GRIK2: variants seen among roughly 807,000 people sequenced by gnomAD.
GRIK2 encodes the protein glutamate ionotropic receptor kainate type subunit 2.
Under a neutral mutation model 100.3 loss-of-function variants are expected in GRIK2, and 32 were observed. The ratio of observed to expected loss-of-function variants is 0.32; its 90% CI spans 0.24 to 0.43. The LOEUF (loss-of-function observed/expected upper bound fraction) is 0.43, where lower values mean the gene tolerates loss of function less well. Ranked by LOEUF, GRIK2 falls within the 20% of genes least tolerant of loss-of-function variation. The probability of loss-of-function intolerance (pLI) is 1.00; values close to 1 mark genes in which losing one functional copy is unlikely to be tolerated. For missense variants in GRIK2, 843 were observed against 1,114.9 expected, an observed-to-expected ratio of 0.76 and a Z score of 3.47; for synonymous variants, 417 against 389.4, an observed-to-expected ratio of 1.07 and a Z score of -0.83.
chr6:101,542,426 C>T (rs547391547), intron 2 of GRIK2, among the ~76,000 whole-genome samples: 1 of 152,140 alleles, frequency 6.6e-6, no homozygotes, highest in African/African-American at 2.4e-5. Flanking sequence ...GTCACCTAAT[C>T]TCTAAAGATT....
At chr6:101,592,985 A>G (rs200305019) in intron 2 of GRIK2, among the ~76,000 whole-genome samples, 2 of 151,942 alleles carry the variant, frequency 1.3e-5, no homozygotes, top group Non-Finnish European at 2.9e-5. Flanking sequence ...GATTAATGAT[A>G]TAGGCAATTG....
At chr6:101,817,591 G>A (rs1234992797) in intron 9 of GRIK2, among the ~76,000 whole-genome samples, 1 of 152,140 alleles carries the variant, frequency 6.6e-6, no homozygotes, top group Non-Finnish European at 1.5e-5. Context: ...ACCATCTAAT[G>A]AATGCATTTT....
At chr6:101,559,481 A>G (rs568233206) in intron 2 of GRIK2, among the ~76,000 whole-genome samples, 1 of 152,066 alleles carries the variant, frequency 6.6e-6, no homozygotes, top group Non-Finnish European at 1.5e-5. Flanking sequence ...AATGCTCCTT[A>G]GGTTGACCAT....
At chr6:101,558,199 A>G (rs1776835836) in intron 2 of GRIK2, among the ~76,000 whole-genome samples, 1 of 152,210 alleles carries the variant, frequency 6.6e-6, no homozygotes, top group African/African-American at 2.4e-5. Flanking sequence ...AGGCTGTATC[A>G]TTACTGTCCA....
chr6:101,930,434 C>A (rs1351005065), intron 14 of GRIK2, among the ~76,000 whole-genome samples: 1 of 151,936 alleles, frequency 6.6e-6, no homozygotes, highest in Non-Finnish European at 1.5e-5. Context: ...GAAGTGAATG[C>A]GTGATGCATT....
chr6:101,732,255 T>A (rs1400777323), intron 7 of GRIK2, among the ~76,000 whole-genome samples: 3 of 152,064 alleles, frequency 2.0e-5, no homozygotes, highest in South Asian at 2.1e-4. Context: ...ACAATCAACT[T>A]CCTATTTGGA....
intron 7 of GRIK2, among the ~76,000 whole-genome samples, chr6:101,688,892 C>T (rs1771896059): frequency 6.6e-6 from 1 of 151,716 alleles, no homozygotes; most frequent in South Asian, 2.1e-4. Flanking sequence ...AAAATCCTTT[C>T]ATCATATAAC....
chr6:101,972,881 CTTTA>C (rs1300646152), intron 14 of GRIK2, among the ~76,000 whole-genome samples: 1 of 151,932 alleles, frequency 6.6e-6, no homozygotes, highest in African/African-American at 2.4e-5. Flanking sequence ...TTTATGGGTT[CTTTA>C]TTCTGTTCCA....
intron 2 of GRIK2, among the ~76,000 whole-genome samples, chr6:101,596,489 T>G (rs1433975196): frequency 1.3e-5 from 2 of 151,648 alleles, no homozygotes; most frequent in African/African-American, 4.8e-5. Context: ...TTCTACATTT[T>G]AATAGATGAT....
chr6:101,661,037 G>A (rs1336266205), intron 4 of GRIK2, among the ~76,000 whole-genome samples: 2 of 152,172 alleles, frequency 1.3e-5, no homozygotes, highest in Non-Finnish European at 2.9e-5. Context: ...TTCAGAGCCA[G>A]CAGGCAGGAA....
At chr6:101,907,245 T>C (rs1378733058) in intron 12 of GRIK2, among the ~76,000 whole-genome samples, 1 of 149,766 alleles carries the variant, frequency 6.7e-6, no homozygotes, top group Non-Finnish European at 1.5e-5. Context: ...CAAATTAGGT[T>C]AGTGGAATAA....
chr6:101,810,177 T>C lies in GRIK2; in HGVS notation c.1203+7739T>C, dbSNP rs542204877. Among the ~76,000 whole-genome samples the C allele has an allele frequency of 8.5e-5, 13 of 152,052 alleles. No homozygotes were observed. In the South Asian group the frequency reaches 2.3e-3, roughly 27 times the overall value. On this transcript the variant is annotated intron_variant, in intron 9 of 16. Transcript: ENST00000369134. ...CAAATCTGACCTACATTTTTATCTG[T>C]GGAAAAATGGCTTTTAACTGAATGG...
At chr6:101,773,132 C>A (rs1056045402) in intron 7 of GRIK2, among the ~76,000 whole-genome samples, 2 of 152,016 alleles carry the variant, frequency 1.3e-5, no homozygotes, top group South Asian at 4.1e-4. Context: ...GGCAATAAAA[C>A]AATAATTAGT....
chr6:101,687,606 A>G (rs1030555242), intron 7 of GRIK2, among the ~76,000 whole-genome samples: 3 of 151,920 alleles, frequency 2.0e-5, no homozygotes, highest in African/African-American at 7.2e-5. Context: ...GAGTGCCTTC[A>G]TAGAGACTAT....
chr6:102,060,627 A>C (rs1037119389), intron 16 of GRIK2, among the ~76,000 whole-genome samples: 8 of 150,734 alleles, frequency 5.3e-5, no homozygotes, highest in Non-Finnish European at 1.0e-4. Context: ...ACAGTGTTAT[A>C]AATTATCAGT....
At chr6:101,858,572 G>A (rs1243416488) in intron 10 of GRIK2, among the ~76,000 whole-genome samples, 1 of 151,420 alleles carries the variant, frequency 6.6e-6, no homozygotes, top group Non-Finnish European at 1.5e-5. Flanking sequence ...GTATTTTTTA[G>A]TAGAGATGGG....
chr6:101,740,163 CTG>C (rs1775929355), intron 7 of GRIK2, among the ~76,000 whole-genome samples: 1 of 152,210 alleles, frequency 6.6e-6, no homozygotes, highest in Non-Finnish European at 1.5e-5. Context: ...CAGTCCAAAT[CTG>C]CTGTGGCTGT....
chr6:101,913,802 T>G (rs1457752512), intron 12 of GRIK2, among the ~76,000 whole-genome samples: 1 of 151,536 alleles, frequency 6.6e-6, no homozygotes, highest in Non-Finnish European at 1.5e-5. Flanking sequence ...ATGAGTGTCA[T>G]GTATGAGATA....
intron 7 of GRIK2, among the ~76,000 whole-genome samples, chr6:101,771,604 A>G (rs1322018738): frequency 1.3e-5 from 2 of 151,714 alleles, no homozygotes; most frequent in East Asian, 3.9e-4. Flanking sequence ...ACATATGTAT[A>G]CATGTGCCAT....
Sources: allele counts gnomAD v4.1 joint callset (sites outside exome capture counted in the v4.1 genomes callset), GRCh38; gene constraint gnomAD v4.1.1; transcripts MANE v1.5; gene names NCBI Gene and HGNC (gene_info 2026-07-23, HGNC 2026-07-21).